SORCS2: variants seen among roughly 807,000 people sequenced by gnomAD.
SORCS2 encodes the protein VPS10 domain-containing receptor SorCS2.
In SORCS2, 100 loss-of-function variants were observed where a neutral mutation model predicts 141.6. The ratio of observed to expected loss-of-function variants is 0.71; its 90% CI spans 0.60 to 0.83. The LOEUF (loss-of-function observed/expected upper bound fraction) is 0.83, where lower values mean the gene tolerates loss of function less well. Ranked by LOEUF, SORCS2 falls within the 40% of genes least tolerant of loss-of-function variation. The probability of loss-of-function intolerance (pLI) is 0.00; values close to 1 mark genes in which losing one functional copy is unlikely to be tolerated. For synonymous variants in SORCS2, 789 were observed against 676.9 expected, an observed-to-expected ratio of 1.17 and a Z score of -2.57; for missense variants, 1,646 against 1,560.2, an observed-to-expected ratio of 1.05 and a Z score of -0.93.
At chr4:7,378,070 A>G (rs1017211287) in intron 1 of SORCS2, among the ~76,000 whole-genome samples, 2 of 152,248 alleles carry the variant, frequency 1.3e-5, no homozygotes, top group African/African-American at 4.8e-5. Context: ...TAATTAGACT[A>G]GCTGAACTAC....
intron 1 of SORCS2, among the ~76,000 whole-genome samples, chr4:7,221,461 G>A (rs1027696186): frequency 6.6e-6 from 1 of 152,228 alleles, no homozygotes; most frequent in East Asian, 1.9e-4. Flanking sequence ...TGTGGCTGGC[G>A]CTCTTCTCAT....
At chr4:7,461,546 C>T (rs1729312696) in intron 2 of SORCS2, among the ~76,000 whole-genome samples, 1 of 152,238 alleles carries the variant, frequency 6.6e-6, no homozygotes, top group Admixed American at 6.5e-5. Context: ...GTGACAAAAT[C>T]ACATCCCACA....
rs144935241 is a variant in SORCS2, at chr4:7,571,067, G to A, written c.648+39438G>A. Among the ~76,000 whole-genome samples, 39 of 152,318 alleles carry A rather than the reference G, an allele frequency of 2.6e-4. No individual in the cohort carries two copies. In the East Asian group the frequency reaches 6.4e-3, roughly 25 times the overall value. ...CTGTCCCCATCTCCCCAGCTGGAGC[G>A]TCCTGGATTTAGTAAAATAAGCAGT... On this transcript the variant is annotated intron_variant, in intron 3 of 26. Transcript: ENST00000507866.
chr4:7,622,254 C>G (rs371169582), intron 3 of SORCS2, among the ~76,000 whole-genome samples: 1 of 152,154 alleles, frequency 6.6e-6, no homozygotes, highest in Non-Finnish European at 1.5e-5. Flanking sequence ...GGGGCAGGAT[C>G]GAGGCCCCCA....
intron 1 of SORCS2, among the ~76,000 whole-genome samples, chr4:7,375,769 C>A (rs929082537): frequency 3.3e-5 from 5 of 152,236 alleles, no homozygotes; most frequent in African/African-American, 1.2e-4. Context: ...GGATTATTGG[C>A]TGCCGGCACT....
intron 4 of SORCS2, among the ~76,000 whole-genome samples, chr4:7,645,511 G>A (rs1560452342): frequency 1.3e-5 from 2 of 152,014 alleles, no homozygotes; most frequent in Admixed American, 1.3e-4. Context: ...GGGTGTGTGA[G>A]TGTGAAGTGA....
chr4:7,394,846 T>C (rs1237074677), intron 1 of SORCS2, among the ~76,000 whole-genome samples: 1 of 151,890 alleles, frequency 6.6e-6, no homozygotes, highest in African/African-American at 2.4e-5. Context: ...AAGATCAGAT[T>C]GGGAGGGGGC....
chr4:7,463,868 C>T (rs1038927929), intron 2 of SORCS2, among the ~76,000 whole-genome samples: 1 of 152,158 alleles, frequency 6.6e-6, no homozygotes, highest in Admixed American at 6.5e-5. Flanking sequence ...CACTGGGAAC[C>T]AAGATACAGT....
intron 3 of SORCS2, among the ~76,000 whole-genome samples, chr4:7,636,437 C>T (rs1319348481): frequency 6.6e-6 from 1 of 152,170 alleles, no homozygotes; most frequent in Non-Finnish European, 1.5e-5. Flanking sequence ...CTTGTAGGAT[C>T]GGAGCGGGGG....
rs540763113 is a variant in SORCS2, at chr4:7,487,600, T to C, written c.549-43930T>C. ...GCACCTGGCCTCTGCACTTCTACCA[T>C]CTGGGGATCACCAGCCTGCAGGGCA... On this transcript the variant is annotated intron_variant, in intron 2 of 26. Transcript: ENST00000507866. 7.9e-5 allele frequency among the ~76,000 whole-genome samples: 12 copies of C among 152,334 alleles called. No homozygotes were observed. The South Asian group carries it at 2.3e-3, about 29-fold the overall frequency.
intron 1 of SORCS2, among the ~76,000 whole-genome samples, chr4:7,379,081 T>C (rs3864218): frequency 0.6 from 91,809 of 152,084 alleles, 28,041 homozygotes; most frequent in Middle Eastern, 0.68. Flanking sequence ...TCCTGGGTTA[T>C]TGTGAGATTC....
intron 11 of SORCS2, among the ~76,000 whole-genome samples, chr4:7,689,874 G>A (rs529261941): frequency 7.0e-6 from 1 of 143,868 alleles, no homozygotes; most frequent in South Asian, 2.1e-4. Flanking sequence ...GATGAATGAT[G>A]GATAGGTGGA....
intron 1 of SORCS2, among the ~76,000 whole-genome samples, chr4:7,355,553 C>T (rs919384103): frequency 5.3e-5 from 8 of 152,078 alleles, no homozygotes; most frequent in African/African-American, 7.2e-5. Context: ...GTGGCTCTGC[C>T]GTCCCCAGGG....
chr4:7,597,962 CTTTT>C (rs902858065), intron 3 of SORCS2, among the ~76,000 whole-genome samples: 4 of 91,540 alleles, frequency 4.4e-5, no homozygotes, highest in South Asian at 3.7e-4. Flanking sequence ...TTCAGCTAAT[CTTTT>C]TTTTTTTTTT....
At chr4:7,479,280 A>G (rs7654768) in intron 2 of SORCS2, among the ~76,000 whole-genome samples, 19,108 of 151,416 alleles carry the variant, frequency 0.13, 1,677 homozygotes, top group African/African-American at 0.26. Context: ...CTGAGCCTCA[A>G]TGTCTGGGCC....
intron 2 of SORCS2, among the ~76,000 whole-genome samples, chr4:7,405,219 A>AT (rs1724893286): frequency 6.6e-6 from 1 of 151,848 alleles, no homozygotes; most frequent in Non-Finnish European, 1.5e-5. Flanking sequence ...TTATGTGTCT[A>AT]TTTGTATAAC....
In SORCS2 at chr4:7,525,849, G is replaced by GCAGTCACCTGGGCCCTCCT. The variant is rs1560356191; in HGVS notation, c.549-5671_549-5670insGGCCCTCCTCAGTCACCTG. On this transcript the variant is annotated intron_variant, in intron 2 of 26. Transcript: ENST00000507866. ...TCCCCTCAGTCACCTGGGCCCTCCT[G>GCAGTCACCTGGGCCCTCCT]CAGTCACCTGTCCCCTCCTCAGTCA... Among the ~76,000 whole-genome samples the GCAGTCACCTGGGCCCTCCT allele has an allele frequency of 8.4e-3, 432 of 51,670 alleles. 19 individuals carry two copies. Among genetic ancestry groups the GCAGTCACCTGGGCCCTCCT allele is most frequent in the Admixed American group, 0.013 (57 of 4,358 alleles). The allele number at this position is 51,670 out of a possible 152,430, so 33.9% of individuals were successfully genotyped here. A position where few individuals can be genotyped will look rare whatever the true frequency, so the allele number is the denominator to read the frequency against.
chr4:7,487,797 C>T (rs1306231664), intron 2 of SORCS2, among the ~76,000 whole-genome samples: 2 of 152,164 alleles, frequency 1.3e-5, no homozygotes, highest in African/African-American at 2.4e-5. Flanking sequence ...CCAGCAGCTA[C>T]GGTACCGAGG....
At chr4:7,418,148 C>G (rs1229125914) in intron 2 of SORCS2, among the ~76,000 whole-genome samples, 1 of 152,142 alleles carries the variant, frequency 6.6e-6, no homozygotes, top group African/African-American at 2.4e-5. Flanking sequence ...CTGAGTTTTT[C>G]TGAGCGCTCA....
Sources: allele counts gnomAD v4.1 joint callset (sites outside exome capture counted in the v4.1 genomes callset), GRCh38; gene constraint gnomAD v4.1.1; transcripts MANE v1.5; gene names NCBI Gene and HGNC (gene_info 2026-07-23, HGNC 2026-07-21).